PCSK6: variants seen among roughly 807,000 people sequenced by gnomAD.
The protein encoded by PCSK6 is proprotein convertase subtilisin/kexin type 6, also known as paired basic amino acid cleaving enzyme 4.
In PCSK6, 85 loss-of-function variants were observed where a neutral mutation model predicts 123.3. The observed-to-expected ratio is 0.69, with a 90% confidence interval of 0.58 to 0.83. The LOEUF is 0.83. Ranked by LOEUF, PCSK6 falls within the 40% of genes least tolerant of loss-of-function variation. The pLI, the probability that PCSK6 is intolerant of heterozygous loss-of-function variation, is 0.00. For synonymous variants in PCSK6, 508 were observed against 516.0 expected (o/e 0.98, Z 0.21); for missense variants, 1,191 against 1,282.3 (o/e 0.93, Z 1.09).
intron 6 of PCSK6, among the ~76,000 whole-genome samples, chr15:101,413,836 GA>G (rs1279288010): frequency 6.7e-6 from 1 of 149,192 alleles, no homozygotes; most frequent in African/African-American, 2.5e-5. Flanking sequence ...ATCAATAAAA[GA>G]AAAAAGAGGC....
chr15:101,413,401 A>G (rs1337983450), intron 6 of PCSK6, among the ~76,000 whole-genome samples: 1 of 152,128 alleles, frequency 6.6e-6, no homozygotes, highest in East Asian at 1.9e-4. Flanking sequence ...AAGAAGACAT[A>G]CTCAAAAACA....
intron 2 of PCSK6, among the ~76,000 whole-genome samples, chr15:101,435,185 C>T (rs1271839835): frequency 6.6e-6 from 1 of 152,044 alleles, no homozygotes; most frequent in African/African-American, 2.4e-5. Context: ...AGGTGTGTCA[C>T]CAGCCCCAAA....
intron 13 of PCSK6, among the ~76,000 whole-genome samples, chr15:101,336,249 G>A (rs999758662): frequency 2.6e-5 from 4 of 152,186 alleles, no homozygotes; most frequent in Non-Finnish European, 5.9e-5. Flanking sequence ...TAATAATAAC[G>A]TCTCCGAATG....
chr15:101,433,387 G>A (rs2056505646), intron 2 of PCSK6, among the ~76,000 whole-genome samples: 2 of 152,202 alleles, frequency 1.3e-5, no homozygotes, highest in South Asian at 4.1e-4. Context: ...ACCCTGAGTG[G>A]GAATGTTTTC....
chr15:101,426,814 G>A (rs28566499), intron 6 of PCSK6, among the ~76,000 whole-genome samples: 39 of 93,822 alleles, frequency 4.2e-4, no homozygotes, highest in South Asian at 3.5e-3. Flanking sequence ...ACCAAGGCTC[G>A]GTGGCAGAAC....
intron 1 of PCSK6, among the ~76,000 whole-genome samples, chr15:101,467,600 A>G (rs1287318801): frequency 6.6e-6 from 1 of 152,248 alleles, no homozygotes; most frequent in African/African-American, 2.4e-5. Context: ...AAGAATTACA[A>G]ACATGCCAGG....
chr15:101,406,561 G>A (rs2042787829), intron 6 of PCSK6, among the ~76,000 whole-genome samples: 1 of 151,914 alleles, frequency 6.6e-6, no homozygotes, highest in Non-Finnish European at 1.5e-5. Context: ...CAGCCATTCC[G>A]GGCCAAGTAA....
intron 7 of PCSK6, among the ~76,000 whole-genome samples, chr15:101,397,451 T>A (rs898178582): frequency 1.3e-5 from 2 of 152,106 alleles, no homozygotes; most frequent in Non-Finnish European, 2.9e-5. Flanking sequence ...GTAAAAATAT[T>A]TTAAACGATA....
chr15:101,329,183 T>C (rs959402409), intron 15 of PCSK6, among the ~76,000 whole-genome samples: 1 of 152,196 alleles, frequency 6.6e-6, no homozygotes, highest in African/African-American at 2.4e-5. Flanking sequence ...ACGGGTTTAT[T>C]TGAAAACTCC....
intron 2 of PCSK6, among the ~76,000 whole-genome samples, chr15:101,435,632 G>C (rs1204818820): frequency 6.6e-6 from 1 of 152,252 alleles, no homozygotes; most frequent in African/African-American, 2.4e-5. Flanking sequence ...CTGGGGCAGG[G>C]AGTTCTAATC....
chr15:101,393,816 T>C (rs1223691121), intron 7 of PCSK6, among the ~76,000 whole-genome samples: 5 of 152,166 alleles, frequency 3.3e-5, no homozygotes, highest in African/African-American at 2.4e-5. Flanking sequence ...TTACAGATGA[T>C]GGAAGAATTT....
intron 6 of PCSK6, among the ~76,000 whole-genome samples, chr15:101,424,466 T>C (rs768442412): frequency 6.6e-6 from 1 of 152,116 alleles, no homozygotes; most frequent in Non-Finnish European, 1.5e-5. Flanking sequence ...TTGGAGAGAA[T>C]TTTTCACTAG....
chr15:101,474,573 C>CCTT (rs1435552590), intron 1 of PCSK6, among the ~76,000 whole-genome samples: 4 of 152,174 alleles, frequency 2.6e-5, no homozygotes, highest in African/African-American at 7.2e-5. Context: ...ATTGCTGAGG[C>CCTT]CTTCACACAT....
At chr15:101,475,764 T>C (rs2057715999) in intron 1 of PCSK6, among the ~76,000 whole-genome samples, 1 of 151,380 alleles carries the variant, frequency 6.6e-6, no homozygotes, top group Non-Finnish European at 1.5e-5. Flanking sequence ...GTGCTGGGAC[T>C]ACAAGTGTGA....
intron 13 of PCSK6, among the ~76,000 whole-genome samples, chr15:101,350,565 T>C (rs963325962): frequency 6.6e-6 from 1 of 152,210 alleles, no homozygotes; most frequent in African/African-American, 2.4e-5. Context: ...GAAAAATAGT[T>C]TGATTTATTA....
chr15:101,478,136 G>T (rs571173378), intron 1 of PCSK6, among the ~76,000 whole-genome samples: 1 of 152,274 alleles, frequency 6.6e-6, no homozygotes, highest in South Asian at 2.1e-4. Flanking sequence ...CTATGAGGAA[G>T]GCCTGGAATG....
chr15:101,352,546 A>G (rs1047815082), intron 13 of PCSK6, among the ~76,000 whole-genome samples: 11 of 152,204 alleles, frequency 7.2e-5, no homozygotes, highest in African/African-American at 2.7e-4. Context: ...CTCTTATTCA[A>G]CACTTCAGTC....
intron 11 of PCSK6, among the ~76,000 whole-genome samples, chr15:101,373,875 A>G (rs1328593807): frequency 6.6e-6 from 1 of 152,254 alleles, no homozygotes; most frequent in African/African-American, 2.4e-5. Context: ...ATACACCTAC[A>G]TTGTACTTTA....
chr15:101,318,822 C>T (rs749119478), intron 18 of PCSK6, among the ~76,000 whole-genome samples: 3 of 152,366 alleles, frequency 2.0e-5, no homozygotes, highest in Non-Finnish European at 4.4e-5. Context: ...TGGCGTGTGA[C>T]GGGGCTGTCG....
Sources: gnomAD v4.1 joint callset for allele counts (sites outside exome capture counted in the v4.1 genomes callset) on GRCh38, gnomAD v4.1.1 for gene constraint, MANE v1.5 for transcripts, NCBI Gene and HGNC (gene_info 2026-07-23, HGNC 2026-07-21) for gene names.